PRRX1: variants seen among roughly 807,000 people sequenced by gnomAD.
PRRX1 encodes paired mesoderm homeobox protein 1.
PRRX1 carries 8 observed loss-of-function variants against 24.0 expected under a neutral mutation model. The ratio of observed to expected loss-of-function variants is 0.33; its 90% CI spans 0.20 to 0.60. The LOEUF (loss-of-function observed/expected upper bound fraction) is 0.60, where lower values mean the gene tolerates loss of function less well. Ranked by LOEUF, PRRX1 falls within the 20% of genes least tolerant of loss-of-function variation. The pLI, the probability that PRRX1 is intolerant of heterozygous loss-of-function variation, is 0.82. For missense variants in PRRX1, 281 were observed against 322.4 expected (o/e 0.87, Z 0.98); for synonymous variants, 160 against 131.7 (o/e 1.22, Z -1.47).
rs1655720508 is a variant in PRRX1 at position 170,739,327 on chromosome 1, T to C, written c.*3141T>C. On this transcript the variant is annotated 3_prime_UTR_variant, in exon 4 of 4. Coordinates refer to ENST00000239461, the MANE Select transcript of PRRX1 (RefSeq NM_022716.4). ...GTAATATGTAAATTATATCTTGCTT[T>C]ATGTTGTAAAATATACATTGTTTGC... 5.5e-6 allele frequency: 1 copy of C among 181,174 alleles called. No homozygotes were observed. The highest frequency in any genetic ancestry group is 6.3e-5 in the Admixed American group (1 of 15,922). 11.2% of individuals were successfully genotyped at this position (181,174 alleles called of 1,614,324 possible).
intron 1 of PRRX1, among the ~76,000 whole-genome samples, chr1:170,699,691 A>C (rs1363584053): frequency 6.6e-6 from 1 of 152,164 alleles, no homozygotes; most frequent in African/African-American, 2.4e-5. Flanking sequence ...ACAATGAAAC[A>C]AAGCAACACA....
intron 2 of PRRX1, among the ~76,000 whole-genome samples, chr1:170,720,269 C>T (rs887650902): frequency 2.0e-5 from 3 of 152,024 alleles, no homozygotes; most frequent in Non-Finnish European, 2.9e-5. Flanking sequence ...CAGAGTGAGA[C>T]CCTGACTCAA....
chr1:170,729,725 G>A (rs1655368163), intron 3 of PRRX1, among the ~76,000 whole-genome samples: 1 of 152,162 alleles, frequency 6.6e-6, no homozygotes, highest in African/African-American at 2.4e-5. Flanking sequence ...CATTAGGCAG[G>A]CAACTGAGTC....
At chr1:170,702,401 C>T (rs1430493275) in intron 1 of PRRX1, among the ~76,000 whole-genome samples, 3 of 152,086 alleles carry the variant, frequency 2.0e-5, no homozygotes, top group African/African-American at 7.2e-5. Flanking sequence ...CCCTTTCAAG[C>T]CTCTAATAAC....
intron 3 of PRRX1, chr1:170,727,104 T>C (rs561355639): frequency 6.6e-6 from 1 of 152,068 alleles, no homozygotes; most frequent in African/African-American, 2.4e-5. Flanking sequence ...TGTGTGTGCG[T>C]GTGTGTGTGT....
chr1:170,666,149 G>A (rs998854321), intron 1 of PRRX1, among the ~76,000 whole-genome samples: 1 of 152,144 alleles, frequency 6.6e-6, no homozygotes, highest in South Asian at 2.1e-4. Flanking sequence ...GTCCAGGCGC[G>A]GTGGCTCACG....
intron 1 of PRRX1, among the ~76,000 whole-genome samples, chr1:170,679,931 T>C (rs1220830298): frequency 6.6e-6 from 1 of 152,226 alleles, no homozygotes; most frequent in Non-Finnish European, 1.5e-5. Flanking sequence ...TATTTTGAAA[T>C]TTTGTTTACT....
chr1:170,721,712 C>G (rs1558060937), intron 2 of PRRX1, among the ~76,000 whole-genome samples: 1 of 152,186 alleles, frequency 6.6e-6, no homozygotes, highest in Non-Finnish European at 1.5e-5. Context: ...CAGTTTTGCT[C>G]TCCCATTCGC....
chr1:170,689,022 A>G (rs1175738772), intron 1 of PRRX1, among the ~76,000 whole-genome samples: 1 of 152,156 alleles, frequency 6.6e-6, no homozygotes, highest in African/African-American at 2.4e-5. Flanking sequence ...TGAGCTAAAC[A>G]TAGATATTTG....
chr1:170,727,029 A>T (rs1414148534), intron 3 of PRRX1: 1 of 152,250 alleles, frequency 6.6e-6, no homozygotes, highest in Non-Finnish European at 1.5e-5. Flanking sequence ...ATGCCTTCCT[A>T]ATCTATTGCT....
intron 1 of PRRX1, among the ~76,000 whole-genome samples, chr1:170,665,263 A>G (rs1571307981): frequency 6.6e-6 from 1 of 152,320 alleles, no homozygotes; most frequent in East Asian, 1.9e-4. Context: ...AGCTCTCCCT[A>G]TTGGCTCTTA....
intron 1 of PRRX1, among the ~76,000 whole-genome samples, chr1:170,703,276 C>G (rs1654451885): frequency 1.3e-5 from 2 of 152,194 alleles, no homozygotes; most frequent in South Asian, 4.1e-4. Context: ...AGAACTTGGG[C>G]TCTGTAGCCA....
Position 170,737,780 on chromosome 1 carries a change from A to G in PRRX1, c.*1594A>G, listed in dbSNP as rs572012417. The stretch of plus-strand genomic sequence containing the variant: ...TACCATGCTGTGCCTCAGTTTACCC[A>G]TTTGTAAAATGGGATTAATAATACT... On this transcript the variant is annotated 3_prime_UTR_variant, in exon 4 of 4. Coordinates refer to ENST00000239461, the MANE Select transcript of PRRX1 (RefSeq NM_022716.4). 1 of 220,460 alleles carries G rather than the reference A, an allele frequency of 4.5e-6. No homozygotes were observed. The highest frequency in any genetic ancestry group is 6.6e-5 in the East Asian group (1 of 15,108). 13.7% of individuals were successfully genotyped at this position (220,460 alleles called of 1,614,324 possible).
intron 1 of PRRX1, among the ~76,000 whole-genome samples, chr1:170,716,015 C>T (rs146168578): frequency 3.7e-4 from 56 of 152,172 alleles, no homozygotes; most frequent in African/African-American, 1.2e-3. Context: ...GTCCCAAGTC[C>T]GCATTGTGAT....
chr1:170,739,419 A>G lies in PRRX1; in HGVS notation c.*3233A>G, dbSNP rs1655723619. ...GACTCTACCATGTCTTTTGTTATAT[A>G]CATTTAAGCCTGCTGATTCTTTTCT... On this transcript the variant is annotated 3_prime_UTR_variant, in exon 4 of 4. Coordinates refer to ENST00000239461, the MANE Select transcript of PRRX1 (RefSeq NM_022716.4). The G allele has an allele frequency of 5.8e-6, 1 of 171,598 alleles. No individual in the cohort carries two copies. The highest frequency in any genetic ancestry group is 1.3e-5 in the Non-Finnish European group (1 of 79,104). 10.6% of individuals were successfully genotyped at this position (171,598 alleles called of 1,614,324 possible). A position where few individuals can be genotyped will look rare whatever the true frequency, so the allele number is the denominator to read the frequency against.
chr1:170,719,483 G>T (rs1409327106), intron 1 of PRRX1, among the ~76,000 whole-genome samples: 1 of 152,224 alleles, frequency 6.6e-6, no homozygotes, highest in African/African-American at 2.4e-5. Context: ...CTCTCTGACA[G>T]TTCAGATCTT....
At chr1:170,703,524 G>A (rs1654459193) in intron 1 of PRRX1, among the ~76,000 whole-genome samples, 1 of 152,140 alleles carries the variant, frequency 6.6e-6, no homozygotes, top group Non-Finnish European at 1.5e-5. Context: ...TTCCTGGAAA[G>A]TATATAGCAA....
rs770288919 is a variant in PRRX1 at position 170,726,356 on chromosome 1, C to A, written c.554C>A (p.Pro185Gln). 3.7e-6 allele frequency: 6 copies of A among 1,614,100 alleles called. No individual in the cohort carries two copies. Among genetic ancestry groups the A allele is most frequent in the Admixed American group, 1.7e-5 (1 of 60,008 alleles). Residue 185 changes from proline (P) to glutamine (Q), a missense_variant, in exon 3 of 4, where the codon CCG (proline) becomes CAG (glutamine). Transcript: ENST00000239461. ...CAGCCCATCGTACCTCGTCCTGCTC[C>A]GAGACCCACCGATTATCTCTCCTGG... The part of the protein sequence containing the change: ...VEQPIVPRPA[P>Q]RPTDYLSWGT...
intron 1 of PRRX1, among the ~76,000 whole-genome samples, chr1:170,707,252 A>G (rs1654599670): frequency 6.6e-6 from 1 of 152,212 alleles, no homozygotes; most frequent in Non-Finnish European, 1.5e-5. Flanking sequence ...AATAAGTTTA[A>G]TGATATCATC....
Sources: allele counts gnomAD v4.1 joint callset (sites outside exome capture counted in the v4.1 genomes callset), GRCh38; gene constraint gnomAD v4.1.1; transcripts MANE v1.5; gene names NCBI Gene and HGNC (gene_info 2026-07-23, HGNC 2026-07-21).